Variants in GLI3 observed in about 807,000 individuals in gnomAD.
The protein encoded by GLI3 is transcription activator GLI3.
Under a neutral mutation model 100.8 loss-of-function variants are expected in GLI3, and 20 were observed. The ratio of observed to expected loss-of-function variants is 0.20; its 90% CI spans 0.14 to 0.29. The LOEUF is 0.29. Among genes scored for constraint, GLI3 ranks in the 10% least tolerant of loss-of-function variants. The probability of loss-of-function intolerance (pLI) is 1.00; values close to 1 mark genes in which losing one functional copy is unlikely to be tolerated. For missense variants in GLI3, 2,040 were observed against 2,128.5 expected, an observed-to-expected ratio of 0.96 and a Z score of 0.82; for synonymous variants, 938 against 860.5, an observed-to-expected ratio of 1.09 and a Z score of -1.58.
At chr7:42,251,496 C>A (rs1238042822) in intron 1 of GLI3, among the ~76,000 whole-genome samples, 1 of 152,188 alleles carries the variant, frequency 6.6e-6, no homozygotes, top group South Asian at 2.1e-4. Context: ...GGCTGGGGAC[C>A]CCCCTGCTCT....
chr7:42,145,446 A>G (rs1786678597), intron 3 of GLI3: 1 of 397,954 alleles, frequency 2.5e-6, no homozygotes, highest in Non-Finnish European at 4.4e-6. Flanking sequence ...ACAAAACAGA[A>G]AAAAGTTATA....
intron 3 of GLI3, among the ~76,000 whole-genome samples, chr7:42,088,557 T>C (rs560646040): frequency 2.0e-5 from 3 of 152,340 alleles, no homozygotes; most frequent in South Asian, 4.1e-4. Flanking sequence ...ACCTATGCTA[T>C]AGGCAAGAGG....
Position 42,027,305 on chromosome 7 carries a change from A to G in GLI3, c.1029-893T>C, listed in dbSNP as rs114361693. ...TAAGGAATTTGCCAATGGCTTAAAA[A>G]TGCATGAAAAACTAATAATTGCATT... On this transcript the variant is annotated intron_variant, in intron 7 of 14. Coordinates refer to ENST00000395925, the MANE Select transcript of GLI3 (RefSeq NM_000168.6). Among the ~76,000 whole-genome samples, 463 of 152,350 alleles carry G rather than the reference A, an allele frequency of 3.0e-3. 3 individuals are homozygous for G. The highest frequency in any genetic ancestry group is 0.011 in the African/African-American group (452 of 41,576).
chr7:42,164,345 C>A (rs1283107326), intron 2 of GLI3, among the ~76,000 whole-genome samples: 1 of 151,622 alleles, frequency 6.6e-6, no homozygotes, highest in East Asian at 1.9e-4. Flanking sequence ...CATGGTGAAA[C>A]CCTATCTCTA....
rs193152843 is a variant in GLI3 at position 42,155,935 on chromosome 7, G to T, written c.125-7467C>A. Among the ~76,000 whole-genome samples, 9 of 152,116 alleles carry T rather than the reference G, an allele frequency of 5.9e-5. No individual in the cohort carries two copies. In the East Asian group the frequency reaches 1.7e-3, roughly 29 times the overall value. On this transcript the variant is annotated intron_variant, in intron 2 of 14. Coordinates refer to ENST00000395925, the MANE Select transcript of GLI3 (RefSeq NM_000168.6). ...ATAGGGTTTCCATACATTTTCCTGT[G>T]CCCCTGAACCCTCACAAATAAGAGG... is the stretch of plus-strand genomic sequence containing the variant.
Position 41,965,828 on chromosome 7 carries a change from G to A in GLI3, c.3245C>T (p.Ala1082Val). Residue 1082 changes from alanine to valine, a missense_variant, in exon 15 of 15, where the codon GCT becomes GTT. By Grantham distance (64) the Ala-to-Val change is moderately conservative. Coordinates refer to ENST00000395925, the MANE Select transcript of GLI3 (RefSeq NM_000168.6). ...ATCCTCATCGTTCAGGTTGGCATCA[G>A]CGTCCATGGTCAGGGACTCCAGGGT... ...NVTLESLTMD[A>V]DANLNDEDFL... 6.2e-7 allele frequency: 1 copy of A among 1,613,668 alleles called. No individual in the cohort carries two copies. Among genetic ancestry groups the A allele is most frequent in the Non-Finnish European group, 8.5e-7 (1 of 1,179,960 alleles).
intron 3 of GLI3, chr7:42,113,505 T>C: frequency 9.5e-7 from 1 of 1,058,036 alleles, no homozygotes; most frequent in South Asian, 1.2e-5. Context: ...CCTGAGAAGG[T>C]ACCCAAAGGG....
At chr7:42,061,529 A>T (rs1784568896) in intron 4 of GLI3, among the ~76,000 whole-genome samples, 1 of 152,146 alleles carries the variant, frequency 6.6e-6, no homozygotes, top group South Asian at 2.1e-4. Flanking sequence ...CCTCCAGAAT[A>T]AAATCTTCAA....
intron 1 of GLI3, among the ~76,000 whole-genome samples, chr7:42,236,172 T>A (rs1458161681): frequency 6.6e-6 from 1 of 151,978 alleles, no homozygotes; most frequent in African/African-American, 2.4e-5. Context: ...TCACAAACTC[T>A]GCAAGTTTGG....
intron 3 of GLI3, among the ~76,000 whole-genome samples, chr7:42,102,028 T>A (rs1785475285): frequency 6.6e-6 from 1 of 151,976 alleles, no homozygotes. Context: ...TCATTTTTTA[T>A]GGCTGCATAG....
At chr7:41,997,472 C>G (rs1016891686) in intron 10 of GLI3, among the ~76,000 whole-genome samples, 1 of 152,086 alleles carries the variant, frequency 6.6e-6, no homozygotes, top group Non-Finnish European at 1.5e-5. Flanking sequence ...AATGATCATT[C>G]CAGAATACTG....
intron 6 of GLI3, 85 bp from the exon 7 acceptor site, chr7:42,040,324 G>C: frequency 9.6e-7 from 1 of 1,037,290 alleles, no homozygotes; most frequent in Non-Finnish European, 1.5e-6. Flanking sequence ...CGTGGAAGAA[G>C]TGAAGGATAA....
chr7:42,237,462 C>A (rs73688682), upstream of GLI3, among the ~76,000 whole-genome samples: 2,930 of 152,044 alleles, frequency 0.019, 110 homozygotes, highest in African/African-American at 0.067. Context: ...GGTGGAGAAG[C>A]CCCCCGCCCC....
At chr7:42,218,428 G>A (rs543416166) in intron 2 of GLI3, among the ~76,000 whole-genome samples, 2 of 144,310 alleles carry the variant, frequency 1.4e-5, no homozygotes, top group African/African-American at 5.0e-5. Flanking sequence ...TGGTGCAAAA[G>A]TAATTGCGGT....
rs147004305 is a variant in GLI3 at position 41,966,333 on chromosome 7, C to G, written c.2740G>C (p.Gly914Arg). Residue 914 changes from glycine (G) to arginine (R), a missense_variant, in exon 15 of 15, where the codon GGC becomes CGC. Around this residue, in one of 5 missense-constraint regions of GLI3, gnomAD observed 1,041 missense variants for 924.0 expected, o/e 1.13. Transcript: ENST00000395925. The surrounding 1 kb of genome is among the most constrained non-coding windows in gnomAD (Gnocchi z 5.8). ...RRSSEASQSDGLPSLLSLTPA... is the reference protein window; with the variant it reads ...RRSSEASQSDRLPSLLSLTPA... ...GTGAGGCTGAGCAGGCTGGGCAGGCCGTCGCTCTGGCTGGCTTCGCTGGAG... is the reference window on the plus strand; with the variant it reads ...GTGAGGCTGAGCAGGCTGGGCAGGCGGTCGCTCTGGCTGGCTTCGCTGGAG... 6.2e-7 allele frequency: 1 copy of G among 1,607,600 alleles called. No individual in the cohort carries two copies.
chr7:42,233,863 C>G (rs1008489585), intron 1 of GLI3, among the ~76,000 whole-genome samples: 1 of 152,050 alleles, frequency 6.6e-6, no homozygotes, highest in Non-Finnish European at 1.5e-5. Context: ...TAGAGTGGAA[C>G]CTTTTGTTTA....
chr7:42,057,196 CTTTA>C (rs1210559338), intron 4 of GLI3, among the ~76,000 whole-genome samples: 1 of 152,152 alleles, frequency 6.6e-6, no homozygotes, highest in Non-Finnish European at 1.5e-5. Flanking sequence ...TTGAATTATA[CTTTA>C]TTTCTTAGTA....
intron 4 of GLI3, among the ~76,000 whole-genome samples, chr7:42,066,579 C>T (rs1361375346): frequency 6.6e-6 from 1 of 152,206 alleles, no homozygotes; most frequent in African/African-American, 2.4e-5. Flanking sequence ...CCACAGCCTG[C>T]TCCCCACATT....
intron 6 of GLI3, among the ~76,000 whole-genome samples, chr7:42,042,222 G>T (rs1465906604): frequency 1.3e-5 from 2 of 151,936 alleles, no homozygotes; most frequent in African/African-American, 4.8e-5. Flanking sequence ...CACTGTGTTG[G>T]CCAGGATGGT....
Sources: allele counts gnomAD v4.1 joint callset (sites outside exome capture counted in the v4.1 genomes callset), GRCh38; gene constraint gnomAD v4.1.1; regional missense constraint gnomAD v4.1.1; non-coding constraint Gnocchi (gnomAD v3.1); transcripts MANE v1.5; gene names NCBI Gene and HGNC (gene_info 2026-07-23, HGNC 2026-07-21).